Variants in KCNIP4 observed in about 807,000 individuals in gnomAD.
KCNIP4 encodes the protein potassium voltage-gated channel interacting protein 4.
Under a neutral mutation model 34.0 loss-of-function variants are expected in KCNIP4, and 12 were observed. The observed-to-expected ratio is 0.35, with a 90% CI of 0.23 to 0.57. The LOEUF (loss-of-function observed/expected upper bound fraction) is 0.57. KCNIP4 is among the 20% of genes least tolerant of loss of function. The pLI, the probability that KCNIP4 is intolerant of heterozygous loss-of-function variation, is 0.83. For missense variants in KCNIP4, 238 were observed against 311.7 expected (o/e 0.76, Z 1.78); for synonymous variants, 124 against 102.2 (o/e 1.21, Z -1.29).
At chr4:20,893,959 C>G (rs901515833) in intron 1 of KCNIP4, among the ~76,000 whole-genome samples, 2 of 152,154 alleles carry the variant, frequency 1.3e-5, no homozygotes, top group African/African-American at 4.8e-5. Flanking sequence ...GGGCTCACTG[C>G]AACCTCCACC....
intron 1 of KCNIP4, among the ~76,000 whole-genome samples, chr4:21,577,950 G>A (rs1740875534): frequency 6.6e-6 from 1 of 152,124 alleles, no homozygotes; most frequent in Non-Finnish European, 1.5e-5. Context: ...CTGGAGAATT[G>A]TTTTAGAAAA....
chr4:20,767,509 T>C (rs2149374163), intron 3 of KCNIP4: 1 of 152,292 alleles, frequency 6.6e-6, no homozygotes, highest in South Asian at 2.1e-4. Context: ...AAGAAACATA[T>C]TTTGTGAGTG....
chr4:21,478,622 G>C (rs1341847893), intron 1 of KCNIP4, among the ~76,000 whole-genome samples: 1 of 152,140 alleles, frequency 6.6e-6, no homozygotes, highest in African/African-American at 2.4e-5. Flanking sequence ...TTCCCCGTAA[G>C]ACCTTGATTC....
intron 1 of KCNIP4, among the ~76,000 whole-genome samples, chr4:21,467,550 A>G (rs1385698050): frequency 6.6e-6 from 1 of 152,186 alleles, no homozygotes; most frequent in Non-Finnish European, 1.5e-5. Flanking sequence ...CTCTGCAAAA[A>G]GATAAAAGGA....
chr4:21,819,905 T>C (rs906527192), intron 1 of KCNIP4, among the ~76,000 whole-genome samples: 3 of 152,118 alleles, frequency 2.0e-5, no homozygotes, highest in African/African-American at 7.2e-5. Flanking sequence ...AATAGTGAAC[T>C]AAGATTTAAT....
intron 1 of KCNIP4, among the ~76,000 whole-genome samples, chr4:21,070,172 G>T (rs1206814094): frequency 6.6e-6 from 1 of 152,136 alleles, no homozygotes; most frequent in Admixed American, 6.6e-5. Flanking sequence ...TCAATAGTTT[G>T]CTCATTTTTA....
intron 1 of KCNIP4, among the ~76,000 whole-genome samples, chr4:21,327,950 T>C (rs1715257943): frequency 6.6e-6 from 1 of 152,116 alleles, no homozygotes; most frequent in Non-Finnish European, 1.5e-5. Flanking sequence ...GATTTCTGAA[T>C]TCCTTCTCTG....
intron 1 of KCNIP4, among the ~76,000 whole-genome samples, chr4:21,437,688 T>C (rs776092512): frequency 1.4e-4 from 22 of 152,330 alleles, no homozygotes; most frequent in Admixed American, 2.0e-4. Flanking sequence ...TCTTCCAAAG[T>C]GGCTTAACTA....
intron 1 of KCNIP4, among the ~76,000 whole-genome samples, chr4:21,720,497 CTGT>C (rs1427789907): frequency 6.8e-6 from 1 of 146,854 alleles, no homozygotes; most frequent in African/African-American, 2.5e-5. Context: ...TGACTCGGAG[CTGT>C]TGTTTTTTTT....
At chr4:21,285,694 A>T (rs1210787837) in intron 1 of KCNIP4, among the ~76,000 whole-genome samples, 1 of 151,986 alleles carries the variant, frequency 6.6e-6, no homozygotes, top group African/African-American at 2.4e-5. Flanking sequence ...ACAAAAAAAA[A>T]GCCAGGCATG....
chr4:20,952,037 A>G (rs1865445), intron 1 of KCNIP4, among the ~76,000 whole-genome samples: 62,370 of 152,156 alleles, frequency 0.41, 14,980 homozygotes, highest in East Asian at 0.52. Flanking sequence ...CGCAGTAAAT[A>G]TAAGTGAAAT....
chr4:20,899,766 T>A (rs1726964149), intron 1 of KCNIP4, among the ~76,000 whole-genome samples: 1 of 152,206 alleles, frequency 6.6e-6, no homozygotes, highest in Admixed American at 6.5e-5. Context: ...CCCTTAAAGC[T>A]TGCAGATAAA....
chr4:21,267,093 G>A (rs568782279), intron 1 of KCNIP4, among the ~76,000 whole-genome samples: 93 of 152,124 alleles, frequency 6.1e-4, no homozygotes, highest in Non-Finnish European at 1.2e-3. Flanking sequence ...TAAATAGAAC[G>A]ATGTGATGCT....
chr4:21,254,870 C>T (rs952777203), intron 1 of KCNIP4, among the ~76,000 whole-genome samples: 1 of 152,224 alleles, frequency 6.6e-6, no homozygotes, highest in South Asian at 2.1e-4. Context: ...AGTTCCTGGT[C>T]TCTCATTGTC....
chr4:20,952,390 C>T (rs1036513856), intron 1 of KCNIP4, among the ~76,000 whole-genome samples: 1 of 152,090 alleles, frequency 6.6e-6, no homozygotes, highest in Non-Finnish European at 1.5e-5. Flanking sequence ...CTTTATATAA[C>T]AGCAATTCTG....
At chr4:21,027,130 A>G (rs1406543819) in intron 1 of KCNIP4, among the ~76,000 whole-genome samples, 2 of 152,210 alleles carry the variant, frequency 1.3e-5, no homozygotes. Context: ...TTTGACATAG[A>G]GCTGATGATT....
intron 1 of KCNIP4, among the ~76,000 whole-genome samples, chr4:21,787,531 G>T (rs750872362): frequency 2.0e-5 from 3 of 152,096 alleles, no homozygotes; most frequent in Non-Finnish European, 4.4e-5. Context: ...ACAACCCCAT[G>T]AAGAAGTTAT....
At chr4:21,122,612 G>A (rs1479002630) in intron 1 of KCNIP4, among the ~76,000 whole-genome samples, 1 of 152,044 alleles carries the variant, frequency 6.6e-6, no homozygotes, top group Non-Finnish European at 1.5e-5. Context: ...GATATATGTT[G>A]TTCCACAGTC....
At chr4:20,859,811 G>A (rs1389129599) in intron 2 of KCNIP4, among the ~76,000 whole-genome samples, 2 of 152,142 alleles carry the variant, frequency 1.3e-5, no homozygotes, top group Non-Finnish European at 2.9e-5. Flanking sequence ...AAATATGAGC[G>A]TGAGTCCTAC....
Sources: gnomAD v4.1 joint callset for allele counts (sites outside exome capture counted in the v4.1 genomes callset) on GRCh38, gnomAD v4.1.1 for gene constraint, MANE v1.5 for transcripts, NCBI Gene and HGNC (gene_info 2026-07-23, HGNC 2026-07-21) for gene names.